Variants in HAVCR1 observed in about 807,000 individuals in gnomAD.
HAVCR1 encodes the protein hepatitis A virus cellular receptor 1.
A neutral mutation model predicts 32.0 loss-of-function variants in HAVCR1; 34 were observed. That is an observed-to-expected ratio of 1.06 (90% confidence interval 0.81 to 1.42). The LOEUF (loss-of-function observed/expected upper bound fraction) is 1.42, where lower values mean the gene tolerates loss of function less well. HAVCR1 is among the 40% of genes most tolerant of loss of function. The probability of loss-of-function intolerance (pLI) is 0.00; values close to 1 mark genes in which losing one functional copy is unlikely to be tolerated. For synonymous variants in HAVCR1, 178 were observed against 170.3 expected, an observed-to-expected ratio of 1.05 and a Z score of -0.35; for missense variants, 420 against 442.3, an observed-to-expected ratio of 0.95 and a Z score of 0.45.
chr5:157,054,482 G>A (rs979330209), intron 3 of HAVCR1, among the ~76,000 whole-genome samples: 2 of 152,074 alleles, frequency 1.3e-5, no homozygotes, highest in Non-Finnish European at 2.9e-5. Flanking sequence ...TTCAGCCTGG[G>A]CAACAGCGAG....
Position 157,029,415 on chromosome 5 carries a change from C to G in HAVCR1, c.*318G>C. ...ATTTGCTATGTTTCCAGGGACTATT[C>G]TCTTTGATGTATACAGGATTTATGG... On this transcript the variant is annotated 3_prime_UTR_variant, in exon 9 of 9. Transcript: ENST00000523175. 1 of 590,504 alleles carries G rather than the reference C, an allele frequency of 1.7e-6. No homozygotes were observed. Among genetic ancestry groups the G allele is most frequent in the Non-Finnish European group, 3.0e-6 (1 of 334,664 alleles). 36.6% of individuals were successfully genotyped at this position (590,504 alleles called of 1,614,324 possible).
chr5:157,065,389 G>A, the HAVCR1 span, among the ~76,000 whole-genome samples: 1 of 152,212 alleles, frequency 6.6e-6, no homozygotes, highest in East Asian at 1.9e-4. Context: ...AATGCCTGAT[G>A]CTAAGGACTA....
chr5:157,047,223 G>A (rs1383836889), intron 5 of HAVCR1, among the ~76,000 whole-genome samples: 1 of 152,036 alleles, frequency 6.6e-6, no homozygotes, highest in African/African-American at 2.4e-5. Context: ...CTGTGCCCCT[G>A]GGGGATGGAA....
the HAVCR1 span, among the ~76,000 whole-genome samples, chr5:157,067,577 T>C: frequency 1.3e-5 from 2 of 152,184 alleles, no homozygotes; most frequent in African/African-American, 4.8e-5. Context: ...AGGCTGAGAT[T>C]GAAGGATCAA....
intron 1 of HAVCR1, 144 bp from the exon 2 acceptor site, chr5:157,058,099 A>G (rs1290548605): frequency 6.2e-6 from 4 of 644,878 alleles, no homozygotes; most frequent in Middle Eastern, 3.4e-4. Context: ...AGAGAAGACC[A>G]CATATAACGG....
At chr5:157,067,458 A>G in the HAVCR1 span, among the ~76,000 whole-genome samples, 3 of 152,118 alleles carry the variant, frequency 2.0e-5, no homozygotes, top group Non-Finnish European at 4.4e-5. Flanking sequence ...ACCTTCAAAA[A>G]TCAGCAGCCC....
At chr5:157,067,175 T>C in the HAVCR1 span, among the ~76,000 whole-genome samples, 1 of 152,224 alleles carries the variant, frequency 6.6e-6, no homozygotes. Flanking sequence ...TGCAGCTACC[T>C]GCAGGTGCAG....
chr5:157,039,498 G>A (rs1024344064), intron 6 of HAVCR1, among the ~76,000 whole-genome samples: 3 of 152,042 alleles, frequency 2.0e-5, no homozygotes, highest in Admixed American at 1.3e-4. Context: ...ACAGGCACCC[G>A]CCACCACACC....
At chr5:157,059,420 A>T (rs1756412726), upstream of HAVCR1, among the ~76,000 whole-genome samples, 1 of 152,198 alleles carries the variant, frequency 6.6e-6, no homozygotes, top group Non-Finnish European at 1.5e-5. Flanking sequence ...TCGTGCCTGT[A>T]ACCCCAGCAC....
chr5:157,042,620 T>G lies in HAVCR1; in HGVS notation c.837+7A>C. 6.4e-7 allele frequency: 1 copy of G among 1,559,332 alleles called. No individual in the cohort carries two copies. Among genetic ancestry groups the G allele is most frequent in the Non-Finnish European group, 8.8e-7 (1 of 1,131,724 alleles). ...CTGGCTAATCAAATAGGGCGGAATA[T>G]GCTTACAGTTTGATTGTTATTCCAA... On this transcript the variant is annotated splice_region_variant and intron_variant, in intron 6 of 8. Transcript: ENST00000523175.
rs577372715 is a variant in HAVCR1, at chr5:157,029,524, T to C, written c.*209A>G. Reference sequence around the variant, plus strand: ...CAGAAGGATTGAGCCAGTTTTAGCATAAAAAATTAGGACTACATTAATGAT... The same window carrying C: ...CAGAAGGATTGAGCCAGTTTTAGCACAAAAAATTAGGACTACATTAATGAT... On this transcript the variant is annotated 3_prime_UTR_variant, in exon 9 of 9. Coordinates refer to ENST00000523175, the MANE Select transcript of HAVCR1 (RefSeq NM_001173393.3). 176 of 1,264,444 alleles carry C rather than the reference T, an allele frequency of 1.4e-4. 1 individual carries two copies. In the African/African-American group the frequency reaches 2.5e-3, roughly 18 times the overall value. The allele number at this position is 1,264,444 out of a possible 1,614,324, so 78.3% of individuals were successfully genotyped here. A position where few individuals can be genotyped will look rare whatever the true frequency, so the allele number is the denominator to read the frequency against.
intron 5 of HAVCR1, among the ~76,000 whole-genome samples, chr5:157,045,797 AAG>A (rs1755360997): frequency 6.6e-6 from 1 of 152,214 alleles, no homozygotes; most frequent in Non-Finnish European, 1.5e-5. Flanking sequence ...AACTTGGCCC[AAG>A]AGCCTTGGAT....
At chr5:157,048,553 G>A (rs934793006) in intron 5 of HAVCR1, among the ~76,000 whole-genome samples, 1 of 152,192 alleles carries the variant, frequency 6.6e-6, no homozygotes, top group African/African-American at 2.4e-5. Context: ...CAAAACAGCT[G>A]GGCACGGTGG....
At position 157,057,622 on chromosome 5, in the gene HAVCR1, T is replaced by C. The variant is rs551140685; in HGVS notation, c.46+276A>G. On this transcript the variant is annotated intron_variant, in intron 2 of 8. Transcript: ENST00000523175. ...GCATATACATCTAACCACACCCTTT[T>C]TGTTTAAACACAAAGGGCAGCCTGT... Among the ~76,000 whole-genome samples the C allele has an allele frequency of 8.5e-5, 13 of 152,324 alleles. No homozygotes were observed. In the East Asian group the frequency reaches 2.5e-3, roughly 29 times the overall value.
chr5:157,057,395 GAAAGAAAGAAAGAAAGAAAGAAA>G (rs1756241167), intron 2 of HAVCR1, among the ~76,000 whole-genome samples: 2 of 11,616 alleles, frequency 1.7e-4, no homozygotes, highest in African/African-American at 3.7e-4. Flanking sequence ...AGGAAAGAAA[GAAAGAAAGAAAGAAAGAAAGAAA>G]GAAAGAAAGA....
upstream of HAVCR1, among the ~76,000 whole-genome samples, chr5:157,062,595 T>C (rs1227649522): frequency 1.3e-4 from 20 of 152,006 alleles, no homozygotes; most frequent in Admixed American, 1.3e-3. Flanking sequence ...TGTCAGTCTC[T>C]CCCTCATCCC....
chr5:157,067,312 C>T, the HAVCR1 span, among the ~76,000 whole-genome samples: 1 of 152,184 alleles, frequency 6.6e-6, no homozygotes. Flanking sequence ...AAAGTCCAAA[C>T]TCTAAAAGCT....
chr5:157,029,821 T>C lies in HAVCR1; in HGVS notation c.1007A>G (p.Gln336Arg), dbSNP rs1289105853. ...AACTGCATTTTGCAAAGCTTTAATT[T>C]GAAGGCTGCTAAATGAAACACTGTA... ...QQLSVSFSSL[Q>R]IKALQNAVEK... The change falls in exon 9 of 9, where the codon CAA becomes CGA. Residue 336 changes from glutamine (Q) to arginine (R), a missense_variant. Gln to Arg is a conservative substitution (Grantham distance 43, BLOSUM62 1). Transcript: ENST00000523175. 6.2e-7 allele frequency: 1 copy of C among 1,612,582 alleles called. No individual in the cohort carries two copies. The highest frequency in any genetic ancestry group is 1.1e-5 in the South Asian group (1 of 91,038).
intron 2 of HAVCR1, among the ~76,000 whole-genome samples, chr5:157,056,385 C>CTTT (rs5741954): frequency 1.4e-5 from 2 of 141,322 alleles, no homozygotes; most frequent in African/African-American, 2.6e-5. Context: ...AGAATTTCTT[C>CTTT]TTTTTTTTTT....
Sources: gnomAD v4.1 joint callset for allele counts (sites outside exome capture counted in the v4.1 genomes callset) on GRCh38, gnomAD v4.1.1 for gene constraint, MANE v1.5 for transcripts, NCBI Gene and HGNC (gene_info 2026-07-23, HGNC 2026-07-21) for gene names.